MCM2: variants seen among roughly 807,000 people sequenced by gnomAD.
The protein encoded by MCM2 is minichromosome maintenance complex component 2.
Under a neutral mutation model 86.4 loss-of-function variants are expected in MCM2, and 49 were observed. The ratio of observed to expected loss-of-function variants is 0.57; its 90% CI spans 0.45 to 0.72. The LOEUF (loss-of-function observed/expected upper bound fraction) is 0.72, where lower values mean the gene tolerates loss of function less well. Among genes scored for constraint, MCM2 ranks in the 30% least tolerant of loss-of-function variants. The pLI, the probability that MCM2 is intolerant of heterozygous loss-of-function variation, is 0.00. For synonymous variants in MCM2, 475 were observed against 484.6 expected, an observed-to-expected ratio of 0.98 and a Z score of 0.26; for missense variants, 1,038 against 1,259.9, an observed-to-expected ratio of 0.82 and a Z score of 2.67.
At chr3:127,620,978 G>A (rs1350329801) in intron 14 of MCM2, 95 bp from the exon 15 acceptor site, 20 of 1,572,788 alleles carry the variant, frequency 1.3e-5, no homozygotes, top group South Asian at 6.0e-5. Context: ...ACCCAGGAGC[G>A]GCAGCCTGTC....
At chr3:127,609,215 T>G (rs1576415432) in intron 8 of MCM2, among the ~76,000 whole-genome samples, 192 bp downstream of exon 8, 2 of 152,208 alleles carry the variant, frequency 1.3e-5, no homozygotes, top group South Asian at 4.1e-4. Context: ...TGGGTGAACC[T>G]GGCTGTGGCT....
chr3:127,604,867 G>T (rs374203926), intron 3 of MCM2, 29 bp from the exon 4 acceptor site: 3 of 1,591,416 alleles, frequency 1.9e-6, no homozygotes, highest in East Asian at 2.3e-5. Flanking sequence ...GGGGATGACC[G>T]CAGTAGCAGG....
At chr3:127,604,870 G>A (rs1030167026) in intron 3 of MCM2, 26 bp from the exon 4 acceptor site, 1 of 1,594,874 alleles carries the variant, frequency 6.3e-7, no homozygotes, top group South Asian at 1.1e-5. Flanking sequence ...GATGACCGCA[G>A]TAGCAGGTGT....
chr3:127,608,800 GCT>G, intron 7 of MCM2, 30 bp from the exon 8 acceptor site: 6 of 1,609,478 alleles, frequency 3.7e-6, no homozygotes, highest in Non-Finnish European at 5.1e-6. Context: ...CCTGGGTTAG[GCT>G]CTGACTTCTT....
Position 127,617,526 on chromosome 3 carries a change from G to T in MCM2, c.1900+121G>T. 1.6e-6 allele frequency: 2 copies of T among 1,287,280 alleles called. No homozygotes were observed. Among genetic ancestry groups the T allele is most frequent in the Non-Finnish European group, 2.1e-6 (2 of 957,830 alleles). The allele number at this position is 1,287,280 out of a possible 1,614,324, so 79.7% of individuals were successfully genotyped here. ...TGAGGAAGTCATTGTGCAGCAGAGGGTTCCCCTCTTCTGCATATCCTGCCA... is the reference window on the plus strand; with the variant it reads ...TGAGGAAGTCATTGTGCAGCAGAGGTTTCCCCTCTTCTGCATATCCTGCCA... On this transcript the variant is annotated intron_variant, in intron 11 of 15. Coordinates refer to ENST00000265056, the MANE Select transcript of MCM2 (RefSeq NM_004526.4). The surrounding 1 kb of genome is among the most constrained non-coding windows in gnomAD (Gnocchi z 4.1).
chr3:127,606,703 C>T lies in MCM2; in HGVS notation c.987C>T (p.Cys329=), dbSNP rs1049186077. 1 of 1,614,250 alleles carries T rather than the reference C, an allele frequency of 6.2e-7. No homozygotes were observed. Among genetic ancestry groups the T allele is most frequent in the East Asian group, 2.2e-5 (1 of 44,890 alleles). ...AGCTCAGCATGGTCAAGTACAACTG[C>T]AACAAGTGCAATTTCGTCCTGGGTC... is the stretch of plus-strand genomic sequence containing the variant. The part of the protein sequence containing the change: ...LPQLSMVKYN[C]NKCNFVLGPF... The change falls in exon 6 of 16, where the codon TGC becomes TGT. Residue 329 remains cysteine, a synonymous_variant. Transcript: ENST00000265056. This position sits in a 1 kb window ranked among gnomAD's most constrained non-coding sequence, Gnocchi z 4.2.
intron 8 of MCM2, among the ~76,000 whole-genome samples, chr3:127,609,667 T>C (rs1346818974): frequency 6.6e-6 from 1 of 151,940 alleles, no homozygotes; most frequent in Non-Finnish European, 1.5e-5. Context: ...GATGGGGATT[T>C]ATGTTGCAGA....
rs1045015595 is a variant in MCM2 at position 127,616,739 on chromosome 3, C to T, written c.1523-129C>T. The T allele has an allele frequency of 4.4e-5, 45 of 1,032,900 alleles. No homozygotes were observed. In the African/African-American group the frequency reaches 6.1e-4, roughly 14 times the overall value. The allele number at this position is 1,032,900 out of a possible 1,614,324, so 64.0% of individuals were successfully genotyped here. ...GACTGCATGGCGTAGGGCATTGTAT[C>T]CCTTTCTAGAGGGACTGTGCCTTAC... is the stretch of plus-strand genomic sequence containing the variant. On this transcript the variant is annotated intron_variant, in intron 9 of 15. Transcript: ENST00000265056.
chr3:127,613,384 A>G (rs2074413000), intron 8 of MCM2, among the ~76,000 whole-genome samples: 1 of 152,234 alleles, frequency 6.6e-6, no homozygotes, highest in South Asian at 2.1e-4. Flanking sequence ...TAAGAGTTTC[A>G]TAAGAGAGTC....
Position 127,620,841 on chromosome 3 carries a change from A to G in MCM2, c.2409A>G (p.Ile803Met). The stretch of plus-strand genomic sequence containing the variant: ...TCCGCGTGATGCTGGAGAGCTTCAT[A>G]GACACACAGAAGTTCAGCGTCATGC... ...MAIRVMLESFIDTQKFSVMRS... is the reference protein window; with the variant it reads ...MAIRVMLESFMDTQKFSVMRS... The change falls in exon 14 of 16, where the codon ATA becomes ATG. Residue 803 changes from isoleucine (I) to methionine (M), a missense_variant. Ile to Met is a conservative substitution (Grantham distance 10, BLOSUM62 1). Coordinates refer to ENST00000265056, the MANE Select transcript of MCM2 (RefSeq NM_004526.4). 6.2e-7 allele frequency: 1 copy of G among 1,613,242 alleles called. No homozygotes were observed. The highest frequency in any genetic ancestry group is 2.2e-5 in the East Asian group (1 of 44,856).
chr3:127,606,953 C>T lies in MCM2; in HGVS notation c.1101+136C>T, dbSNP rs772529526. Reference sequence around the variant, plus strand: ...AAGATAGAATTGTGTGTTGGCCACACCCTGGGGTGGACCCAGTCTGTCTGG... The same window carrying T: ...AAGATAGAATTGTGTGTTGGCCACATCCTGGGGTGGACCCAGTCTGTCTGG... On this transcript the variant is annotated intron_variant, in intron 6 of 15. Transcript: ENST00000265056. The surrounding 1 kb of genome is among the most constrained non-coding windows in gnomAD (Gnocchi z 4.2). 4 of 839,626 alleles carry T rather than the reference C, an allele frequency of 4.8e-6. No homozygotes were observed. In the African/African-American group the frequency reaches 5.0e-5, roughly 11 times the overall value. 52.0% of individuals were successfully genotyped at this position (839,626 alleles called of 1,614,324 possible). A position where few individuals can be genotyped will look rare whatever the true frequency, so the allele number is the denominator to read the frequency against.
intron 8 of MCM2, 132 bp from the exon 9 acceptor site, chr3:127,615,730 T>A: frequency 1.5e-6 from 1 of 685,032 alleles, no homozygotes; most frequent in East Asian, 2.5e-5. Context: ...CAGGGCCTGA[T>A]GCAGTTGCAG....
intron 2 of MCM2, among the ~76,000 whole-genome samples, chr3:127,603,164 G>A (rs948770275): frequency 1.3e-5 from 2 of 151,640 alleles, no homozygotes; most frequent in Non-Finnish European, 2.9e-5. Flanking sequence ...CCGCGCCCAA[G>A]TAATTTTTGT....
Position 127,618,216 on chromosome 3 carries a change from C to T in MCM2, c.2013+135C>T, listed in dbSNP as rs1479113519. ...AGGCTGTTTTCTAGTCCTGTTCCCT[C>T]GGTCTCTTCTCATGTCCAGAAGTCG... On this transcript the variant is annotated intron_variant, in intron 12 of 15. Transcript: ENST00000265056. This position sits in a 1 kb window ranked among gnomAD's most constrained non-coding sequence, Gnocchi z 4.0. 4.3e-6 allele frequency: 3 copies of T among 692,346 alleles called. No individual in the cohort carries two copies. The highest frequency in any genetic ancestry group is 2.2e-5 in the Admixed American group (1 of 46,312). The allele number at this position is 692,346 out of a possible 1,614,324, so 42.9% of individuals were successfully genotyped here.
rs371840356 is a variant in MCM2 at position 127,605,077 on chromosome 3, C to T, written c.594C>T (p.Arg198=). 2.5e-6 allele frequency: 4 copies of T among 1,614,052 alleles called. No homozygotes were observed. The African/African-American group carries it at 4.0e-5, about 16-fold the overall frequency. The change falls in exon 4 of 16, where the codon CGC becomes CGT. Residue 198 remains arginine (R), a synonymous_variant. Coordinates refer to ENST00000265056, the MANE Select transcript of MCM2 (RefSeq NM_004526.4). ...GCCCCCGGCTGGAGATCCACCACCG[C>T]TTCAAGAACTTCCTGCGCACTCACG... ...MAGPRLEIHH[R]FKNFLRTHVD... is the part of the protein sequence containing the mutation.
In MCM2 at chr3:127,602,493, A is replaced by G. The variant is rs192993262; in HGVS notation, c.237-2115A>G. Among the ~76,000 whole-genome samples, 5 of 152,286 alleles carry G rather than the reference A, an allele frequency of 3.3e-5. No homozygotes were observed. The East Asian group carries it at 7.7e-4, about 23-fold the overall frequency. ...GGGGAAGGAGCTCTGGGCTTGGACT[A>G]TATTTTGACACTCAGGTCTACAGAG... On this transcript the variant is annotated intron_variant, in intron 2 of 15. Coordinates refer to ENST00000265056, the MANE Select transcript of MCM2 (RefSeq NM_004526.4).
At chr3:127,605,305 A>G in intron 4 of MCM2, 149 bp downstream of exon 4, 2 of 1,010,514 alleles carry the variant, frequency 2.0e-6, no homozygotes, top group Non-Finnish European at 2.9e-6. Flanking sequence ...GTTTTGCATC[A>G]GGGCTCTCCT....
At chr3:127,613,317 G>A (rs186007300) in intron 8 of MCM2, among the ~76,000 whole-genome samples, 10 of 152,328 alleles carry the variant, frequency 6.6e-5, no homozygotes, top group Admixed American at 6.5e-4. Context: ...CCAGCACGAG[G>A]TGTGTTGGGG....
chr3:127,612,021 T>C (rs571910470), intron 8 of MCM2, among the ~76,000 whole-genome samples: 1 of 152,220 alleles, frequency 6.6e-6, no homozygotes, highest in African/African-American at 2.4e-5. Flanking sequence ...TTTGTATTTG[T>C]TTTTATTTTG....
Sources: gnomAD v4.1 joint callset for allele counts (sites outside exome capture counted in the v4.1 genomes callset) on GRCh38, gnomAD v4.1.1 for gene constraint, Gnocchi (gnomAD v3.1) non-coding constraint, MANE v1.5 for transcripts, NCBI Gene and HGNC (gene_info 2026-07-23, HGNC 2026-07-21) for gene names.